The following POU2F1 variants were observed in gnomAD, a reference collection of about 807,000 sequenced individuals.
POU2F1 encodes POU class 2 homeobox 1, also known as POU domain, class 2, transcription factor 1.
Under a neutral mutation model 84.9 loss-of-function variants are expected in POU2F1, and 16 were observed. The ratio of observed to expected loss-of-function variants is 0.19; its 90% CI spans 0.13 to 0.29. The LOEUF is 0.29. POU2F1 is among the 10% of genes least tolerant of loss of function. POU2F1 has a pLI of 1.00. For synonymous variants in POU2F1, 368 were observed against 368.3 expected (o/e 1.00, Z 0.01); for missense variants, 738 against 942.6 (o/e 0.78, Z 2.84).
chr1:167,252,189 C>A (rs1359413434), intron 1 of POU2F1, among the ~76,000 whole-genome samples: 1 of 152,006 alleles, frequency 6.6e-6, no homozygotes, highest in Non-Finnish European at 1.5e-5. Context: ...TTATTTAAAT[C>A]AAATGTATTT....
intron 14 of POU2F1, among the ~76,000 whole-genome samples, chr1:167,412,694 T>C (rs1333008128): frequency 6.6e-6 from 1 of 152,212 alleles, no homozygotes; most frequent in Non-Finnish European, 1.5e-5. Flanking sequence ...TATACTGTTA[T>C]TGTCACACAT....
chr1:167,297,136 G>C (rs564858197), intron 1 of POU2F1, among the ~76,000 whole-genome samples: 1 of 152,286 alleles, frequency 6.6e-6, no homozygotes, highest in African/African-American at 2.4e-5. Flanking sequence ...ATATACAACA[G>C]GAGTTTTGCA....
chr1:167,326,000 T>A (rs1656684368), intron 1 of POU2F1, among the ~76,000 whole-genome samples: 2 of 151,998 alleles, frequency 1.3e-5, no homozygotes, highest in Non-Finnish European at 2.9e-5. Context: ...AATTGTGAAA[T>A]ACATGAGTTT....
intron 1 of POU2F1, among the ~76,000 whole-genome samples, chr1:167,254,981 C>T (rs1051786336): frequency 4.6e-5 from 7 of 152,144 alleles, no homozygotes; most frequent in African/African-American, 1.7e-4. Flanking sequence ...TTTTCTTAGG[C>T]AGATTATCAT....
At position 167,406,166 on chromosome 1, in the gene POU2F1, C is replaced by T. The variant is rs117024847; in HGVS notation, c.1555+4610C>T. On this transcript the variant is annotated intron_variant, in intron 13 of 15. Coordinates refer to ENST00000367866, the MANE Select transcript of POU2F1 (RefSeq NM_002697.4). Reference sequence around the variant, plus strand: ...CCAGCAACATACTGAAAAAATCGAACGATTATATACATCATGGCCAAGGAG... The same window carrying T: ...CCAGCAACATACTGAAAAAATCGAATGATTATATACATCATGGCCAAGGAG... Among the ~76,000 whole-genome samples, 134 of 152,116 alleles carry T rather than the reference C, an allele frequency of 8.8e-4. 2 individuals are homozygous for T. In the East Asian group the frequency reaches 0.018, roughly 20 times the overall value.
At chr1:167,397,599 G>A (rs1159366542) in intron 10 of POU2F1, among the ~76,000 whole-genome samples, 3 of 152,200 alleles carry the variant, frequency 2.0e-5, no homozygotes, top group African/African-American at 4.8e-5. Context: ...AGGCTGGAGT[G>A]CAGTGGCACC....
intron 7 of POU2F1, chr1:167,380,711 T>G (rs1647474407): frequency 6.6e-6 from 1 of 152,340 alleles, no homozygotes; most frequent in Admixed American, 6.5e-5. Context: ...GTTTCCAGCA[T>G]GAGATTAGCC....
At chr1:167,350,718 G>T (rs1165502173) in intron 2 of POU2F1, among the ~76,000 whole-genome samples, 1 of 151,612 alleles carries the variant, frequency 6.6e-6, no homozygotes, top group Non-Finnish European at 1.5e-5. Flanking sequence ...TCTGTGTTAG[G>T]CTGGGCACGG....
intron 1 of POU2F1, among the ~76,000 whole-genome samples, chr1:167,283,435 GT>G (rs781530117): frequency 3.3e-5 from 5 of 152,152 alleles, no homozygotes; most frequent in Admixed American, 6.5e-5. Flanking sequence ...TGATGTTGAT[GT>G]TACACATAAC....
chr1:167,299,163 C>CAAAAA (rs71073663), intron 1 of POU2F1, among the ~76,000 whole-genome samples: 5 of 96,810 alleles, frequency 5.2e-5, no homozygotes, highest in African/African-American at 1.7e-4. Flanking sequence ...AACGCCATCT[C>CAAAAA]AAAAAAAAAA....
Position 167,280,670 on chromosome 1 carries a change from CT to C in POU2F1, c.62-51796del, listed in dbSNP as rs1349196227. 2.0e-5 allele frequency among the ~76,000 whole-genome samples: 3 copies of C among 152,208 alleles called. No individual in the cohort carries two copies. The East Asian group carries it at 5.8e-4, about 29-fold the overall frequency. The stretch of plus-strand genomic sequence containing the variant: ...GATTTAGCCTTTTGTGAACCTTTGA[CT>C]TTTCTTCCCATTTCACTAAGATAAC... On this transcript the variant is annotated intron_variant, in intron 1 of 15. Transcript: ENST00000367866.
chr1:167,310,650 A>G (rs1248972729), intron 1 of POU2F1, among the ~76,000 whole-genome samples: 1 of 152,198 alleles, frequency 6.6e-6, no homozygotes. Context: ...CTAATAATCA[A>G]TAGACATAAT....
At chr1:167,301,411 A>G (rs935728654) in intron 1 of POU2F1, among the ~76,000 whole-genome samples, 3 of 152,250 alleles carry the variant, frequency 2.0e-5, no homozygotes, top group Non-Finnish European at 4.4e-5. Flanking sequence ...AAAATTTTTT[A>G]AAAATTGTTC....
chr1:167,415,398 T>G, intron 15 of POU2F1, 102 bp from the exon 16 acceptor site: 3 of 1,287,874 alleles, frequency 2.3e-6, no homozygotes, highest in Non-Finnish European at 3.2e-6. Flanking sequence ...TTTTTCCTGG[T>G]GGGTTGTAGG....
At chr1:167,310,919 G>A (rs1223084956) in intron 1 of POU2F1, among the ~76,000 whole-genome samples, 1 of 152,140 alleles carries the variant, frequency 6.6e-6, no homozygotes, top group Non-Finnish European at 1.5e-5. Flanking sequence ...GAACTGGAAG[G>A]TGGAACAATA....
intron 2 of POU2F1, among the ~76,000 whole-genome samples, chr1:167,362,644 TG>T (rs1205845151): frequency 6.6e-6 from 1 of 152,160 alleles, no homozygotes. Context: ...TCTGAGTAGC[TG>T]GAATTAGAGG....
At chr1:167,246,691 CTT>C (rs1055263523) in intron 1 of POU2F1, among the ~76,000 whole-genome samples, 15 of 152,148 alleles carry the variant, frequency 9.9e-5, no homozygotes, top group Non-Finnish European at 1.3e-4. Flanking sequence ...CCTGTGCAGT[CTT>C]TTTGTAGTGA....
chr1:167,375,189 C>A (rs899061942), intron 6 of POU2F1, among the ~76,000 whole-genome samples: 24 of 152,110 alleles, frequency 1.6e-4, no homozygotes, highest in Non-Finnish European at 3.2e-4. Context: ...CTTTATCCGT[C>A]TCAGAAAAGA....
chr1:167,385,562 A>G (rs539663122), intron 8 of POU2F1, among the ~76,000 whole-genome samples: 5 of 151,668 alleles, frequency 3.3e-5, no homozygotes, highest in East Asian at 3.9e-4. Context: ...TTTCAATGGG[A>G]AAAAAAAAGT....
Sources: gnomAD v4.1 joint callset for allele counts (sites outside exome capture counted in the v4.1 genomes callset) on GRCh38, gnomAD v4.1.1 for gene constraint, MANE v1.5 for transcripts, NCBI Gene and HGNC (gene_info 2026-07-23, HGNC 2026-07-21) for gene names.